Variants in ZNF793 observed in about 807,000 individuals in gnomAD.
ZNF793 encodes zinc finger protein 793.
A neutral mutation model predicts 12.4 loss-of-function variants in ZNF793; 5 were observed. The ratio of observed to expected loss-of-function variants is 0.40; its 90% confidence interval spans 0.21 to 0.84. The LOEUF (loss-of-function observed/expected upper bound fraction) is 0.84. ZNF793 is among the 40% of genes least tolerant of loss of function. The pLI is 0.35. For missense variants in ZNF793, 456 were observed against 495.0 expected (o/e 0.92, Z 0.75); for synonymous variants, 162 against 172.4 (o/e 0.94, Z 0.47).
In ZNF793 at chr19:37,539,138, T is replaced by C. The variant is rs554648112; in HGVS notation, c.*1259T>C. 1.3e-5 allele frequency: 2 copies of C among 152,358 alleles called. No homozygotes were observed. The highest frequency in any genetic ancestry group is 3.9e-4 in the East Asian group (2 of 5,194). The allele number at this position is 152,358 out of a possible 1,614,324, so 9.4% of individuals were successfully genotyped here. On this transcript the variant is annotated 3_prime_UTR_variant, in exon 8 of 8. Transcript: ENST00000627814. ...CAAAAATTTTACTAAAATGTAGTTA[T>C]TTATATTAAAAATGCAAGCTAAGGA...
chr19:37,521,049 A>C (rs1041513511), intron 3 of ZNF793, among the ~76,000 whole-genome samples: 4 of 148,258 alleles, frequency 2.7e-5, no homozygotes, highest in Non-Finnish European at 5.9e-5. Context: ...GTGCAGTGGC[A>C]CATTCTCGGC....
chr19:37,517,165 T>C (rs2042338989), intron 2 of ZNF793, among the ~76,000 whole-genome samples: 1 of 152,182 alleles, frequency 6.6e-6, no homozygotes, highest in African/African-American at 2.4e-5. Flanking sequence ...AATCTGTTTT[T>C]AAATAAAAAA....
rs928051872 is a variant in ZNF793 at position 37,540,408 on chromosome 19, A to T, written c.*2529A>T. 5.9e-5 allele frequency: 9 copies of T among 151,788 alleles called. No homozygotes were observed. The highest frequency in any genetic ancestry group is 2.1e-4 in the South Asian group (1 of 4,800). 9.4% of individuals were successfully genotyped at this position (151,788 alleles called of 1,614,324 possible). On this transcript the variant is annotated 3_prime_UTR_variant, in exon 8 of 8. Transcript: ENST00000627814. ...GTAAGAGTCATCCCAAGAATGCCAAACCAGTTCAGTTAATAGGAAATGCAT... is the reference window on the plus strand; with the variant it reads ...GTAAGAGTCATCCCAAGAATGCCAATCCAGTTCAGTTAATAGGAAATGCAT...
intron 5 of ZNF793, among the ~76,000 whole-genome samples, chr19:37,529,282 G>A (rs539848218): frequency 7.2e-5 from 11 of 152,166 alleles, no homozygotes; most frequent in South Asian, 2.1e-4. Context: ...TCTTTACAGC[G>A]TTCCATCTTT....
intron 1 of ZNF793, 80 bp from the exon 2 acceptor site, chr19:37,508,185 A>C (rs1488925895): frequency 6.6e-6 from 1 of 152,212 alleles, no homozygotes; most frequent in Non-Finnish European, 1.5e-5. Flanking sequence ...AAACTTATCT[A>C]AAGTAACATG....
chr19:37,530,074 TCTGCATCATAGACA>T (rs2042446151), intron 5 of ZNF793, among the ~76,000 whole-genome samples: 1 of 152,054 alleles, frequency 6.6e-6, no homozygotes, highest in Non-Finnish European at 1.5e-5. Context: ...AACAAAGGTC[TCTGCATCATAGACA>T]AGGTAAATAA....
intron 2 of ZNF793, among the ~76,000 whole-genome samples, chr19:37,511,739 A>G (rs1230526397): frequency 6.6e-6 from 1 of 152,198 alleles, no homozygotes; most frequent in South Asian, 2.1e-4. Flanking sequence ...CTTTTCTATT[A>G]TTCTCCCTGG....
chr19:37,518,316 A>C (rs2042348888), intron 2 of ZNF793, among the ~76,000 whole-genome samples: 1 of 151,916 alleles, frequency 6.6e-6, no homozygotes, highest in East Asian at 1.9e-4. Flanking sequence ...TAGTAGAGAC[A>C]AGGTTTCACC....
intron 2 of ZNF793, among the ~76,000 whole-genome samples, chr19:37,514,575 C>CAGATAGAT (rs57773647): frequency 0.21 from 31,087 of 149,066 alleles, 3,872 homozygotes; most frequent in Non-Finnish European, 0.28. Flanking sequence ...GATAGATAGA[C>CAGATAGAT]AGATAGATAG....
rs746843916 is a variant in ZNF793 at position 37,537,315 on chromosome 19, G to T, written c.657G>T (p.Arg219Ser). 3 of 1,613,656 alleles carry T rather than the reference G, an allele frequency of 1.9e-6. No homozygotes were observed. The South Asian group carries it at 3.3e-5, about 18-fold the overall frequency. Reference sequence around the variant, plus strand: ...ATTCTCTCTTGTACAAACGGAAGAGGGTTCCACCTACAGAAAAACCCCACG... The same window carrying T: ...ATTCTCTCTTGTACAAACGGAAGAGTGTTCCACCTACAGAAAAACCCCACG... ...VSDSLLYKRK[R>S]VPPTEKPHVC... is the part of the protein sequence containing the mutation. The change falls in exon 8 of 8, where the codon AGG (arginine) becomes AGT (serine). Residue 219 changes from arginine (R) to serine (S), a missense_variant. Coordinates refer to ENST00000627814, the MANE Select transcript of ZNF793 (RefSeq NM_001013659.3).
At chr19:37,511,577 A>G (rs2042294886) in intron 2 of ZNF793, among the ~76,000 whole-genome samples, 1 of 152,194 alleles carries the variant, frequency 6.6e-6, no homozygotes, top group African/African-American at 2.4e-5. Flanking sequence ...AGGCTGAGGC[A>G]GGAGAATCAT....
At chr19:37,526,596 T>G (rs910923103) in intron 5 of ZNF793, among the ~76,000 whole-genome samples, 3 of 152,226 alleles carry the variant, frequency 2.0e-5, no homozygotes, top group Admixed American at 2.0e-4. Flanking sequence ...GGAGGGTGTT[T>G]GCTTGGCACC....
At chr19:37,506,675 G>A (rs2042251485), upstream of ZNF793, 1 of 152,246 alleles carries the variant, frequency 6.6e-6, no homozygotes, top group Admixed American at 6.5e-5. Context: ...GCTGAGTTAA[G>A]AGCAGAGACG....
intron 1 of ZNF793, among the ~76,000 whole-genome samples, chr19:37,507,745 C>T (rs2042262026): frequency 6.6e-6 from 1 of 152,120 alleles, no homozygotes; most frequent in Non-Finnish European, 1.5e-5. Flanking sequence ...ATATCATTGG[C>T]AATCAGTGTG....
At chr19:37,514,923 A>C (rs1336115653) in intron 2 of ZNF793, among the ~76,000 whole-genome samples, 1 of 152,236 alleles carries the variant, frequency 6.6e-6, no homozygotes, top group African/African-American at 2.4e-5. Flanking sequence ...TATTTGATAA[A>C]ATTCAACATC....
At chr19:37,526,158 T>TTTTA (rs2147088665) in intron 5 of ZNF793, among the ~76,000 whole-genome samples, 1 of 152,270 alleles carries the variant, frequency 6.6e-6, no homozygotes, top group African/African-American at 2.4e-5. Flanking sequence ...CAGTGATTCT[T>TTTTA]TTTATTTTTT....
Position 37,538,437 on chromosome 19 carries a change from C to A in ZNF793, c.*558C>A, listed in dbSNP as rs547650718. On this transcript the variant is annotated 3_prime_UTR_variant, in exon 8 of 8. Transcript: ENST00000627814. Reference sequence around the variant, plus strand: ...CTGGGATTACAGGCACCTGCCACCACGCCTGGCTAATTTTTGTATTTTTAG... The same window carrying A: ...CTGGGATTACAGGCACCTGCCACCAAGCCTGGCTAATTTTTGTATTTTTAG... The A allele has an allele frequency of 6.6e-6, 1 of 152,342 alleles. No homozygotes were observed. The highest frequency in any genetic ancestry group is 1.5e-5 in the Non-Finnish European group (1 of 68,212). The allele number at this position is 152,342 out of a possible 1,614,324, so 9.4% of individuals were successfully genotyped here.
At chr19:37,510,013 G>A (rs2042280655) in intron 2 of ZNF793, among the ~76,000 whole-genome samples, 1 of 152,084 alleles carries the variant, frequency 6.6e-6, no homozygotes, top group South Asian at 2.1e-4. Context: ...AAATTTCCAA[G>A]TTTGAATTGA....
At chr19:37,510,532 A>G (rs1170743670) in intron 2 of ZNF793, among the ~76,000 whole-genome samples, 1 of 150,620 alleles carries the variant, frequency 6.6e-6, no homozygotes, top group African/African-American at 2.4e-5. Flanking sequence ...AAAAAAAAAA[A>G]AATTAGCTGG....
Sources: allele counts gnomAD v4.1 joint callset (sites outside exome capture counted in the v4.1 genomes callset), GRCh38; gene constraint gnomAD v4.1.1; transcripts MANE v1.5; gene names NCBI Gene and HGNC (gene_info 2026-07-23, HGNC 2026-07-21).